The following DCC variants were observed in gnomAD, a reference collection of about 807,000 sequenced individuals.
DCC encodes the protein DCC netrin 1 receptor.
In DCC, 58 loss-of-function variants were observed where a neutral mutation model predicts 172.5. The ratio of observed to expected loss-of-function variants is 0.34; its 90% CI spans 0.27 to 0.42. DCC has a LOEUF of 0.42. Among genes scored for constraint, DCC ranks in the 10% least tolerant of loss-of-function variants. The probability of loss-of-function intolerance (pLI) is 1.00; values close to 1 mark genes in which losing one functional copy is unlikely to be tolerated. For synonymous variants in DCC, 709 were observed against 644.5 expected (o/e 1.10, Z -1.52); for missense variants, 1,740 against 1,791.0 (o/e 0.97, Z 0.51).
At chr18:52,870,082 T>A (rs1171960003) in intron 2 of DCC, among the ~76,000 whole-genome samples, 1 of 151,880 alleles carries the variant, frequency 6.6e-6, no homozygotes, top group Non-Finnish European at 1.5e-5. Context: ...CCTAGCCCCA[T>A]CACAGTAGCT....
chr18:53,022,897 T>G (rs2041901515), intron 5 of DCC, among the ~76,000 whole-genome samples: 1 of 152,114 alleles, frequency 6.6e-6, no homozygotes, highest in African/African-American at 2.4e-5. Context: ...ACATGAGAGC[T>G]CATCATTCAG....
At chr18:52,818,911 A>G (rs2038353510) in intron 2 of DCC, among the ~76,000 whole-genome samples, 1 of 152,230 alleles carries the variant, frequency 6.6e-6, no homozygotes, top group Admixed American at 6.5e-5. Context: ...TATCAATTAC[A>G]TCTAAGACTT....
intron 1 of DCC, among the ~76,000 whole-genome samples, chr18:52,607,596 C>T (rs2034161771): frequency 6.6e-6 from 1 of 152,098 alleles, no homozygotes; most frequent in South Asian, 2.1e-4. Context: ...GAGGAAGTTT[C>T]TCACATCTTC....
intron 1 of DCC, among the ~76,000 whole-genome samples, chr18:52,654,085 C>T (rs958458955): frequency 6.6e-6 from 1 of 152,188 alleles, no homozygotes; most frequent in African/African-American, 2.4e-5. Flanking sequence ...TATTTGGAAA[C>T]CTTAAAAGTA....
At chr18:52,536,373 C>T (rs764259455) in intron 1 of DCC, among the ~76,000 whole-genome samples, 11 of 152,228 alleles carry the variant, frequency 7.2e-5, no homozygotes, top group South Asian at 2.1e-4. Context: ...CTAAGTTAGG[C>T]ATTTTGCTCG....
chr18:53,453,484 A>G (rs1396409783), intron 23 of DCC, among the ~76,000 whole-genome samples: 1 of 151,716 alleles, frequency 6.6e-6, no homozygotes, highest in Non-Finnish European at 1.5e-5. Flanking sequence ...TTTTTGGGGG[A>G]CTTGAATTAC....
intron 1 of DCC, among the ~76,000 whole-genome samples, chr18:52,438,805 A>C (rs2144489972): frequency 6.6e-6 from 1 of 152,264 alleles, no homozygotes; most frequent in East Asian, 1.9e-4. Flanking sequence ...ATCTACCACT[A>C]AAATTCCTTG....
intron 1 of DCC, among the ~76,000 whole-genome samples, chr18:52,552,199 A>G (rs2032794624): frequency 6.6e-6 from 1 of 151,996 alleles, no homozygotes; most frequent in African/African-American, 2.4e-5. Flanking sequence ...AGGCAGGTAG[A>G]TTCTACTTTT....
At chr18:52,761,919 A>AAAG (rs2037167201) in intron 2 of DCC, among the ~76,000 whole-genome samples, 1 of 139,812 alleles carries the variant, frequency 7.2e-6, no homozygotes, top group Non-Finnish European at 1.6e-5. Context: ...AAAAAAAAAA[A>AAAG]AAAAAAGAAA....
chr18:53,175,914 C>T (rs2055085503), intron 8 of DCC, among the ~76,000 whole-genome samples: 1 of 152,188 alleles, frequency 6.6e-6, no homozygotes, highest in African/African-American at 2.4e-5. Flanking sequence ...ATCACACTAC[C>T]TGACTTCAAA....
At chr18:52,868,051 ATATGTGTGTGTGTG>A (rs1351302185) in intron 2 of DCC, among the ~76,000 whole-genome samples, 1 of 98,798 alleles carries the variant, frequency 1.0e-5, no homozygotes, top group African/African-American at 3.4e-5. Context: ...ATATATATAT[ATATGTGTGTGTGTG>A]TGTGTGTGTG....
chr18:53,403,752 C>A lies in DCC; in HGVS notation c.2935+859C>A, dbSNP rs1368424203. On this transcript the variant is annotated intron_variant, in intron 19 of 28. Coordinates refer to ENST00000442544, the MANE Select transcript of DCC (RefSeq NM_005215.4). ...GCTGGATAGCACTATTATAAATTAA[C>A]AAAGTAATTCAGCCGTCCCGTGATA... is the stretch of plus-strand genomic sequence containing the variant. Among the ~76,000 whole-genome samples the A allele has an allele frequency of 2.6e-5, 4 of 151,992 alleles. No homozygotes were observed. The East Asian group carries it at 7.7e-4, about 29-fold the overall frequency.
intron 2 of DCC, among the ~76,000 whole-genome samples, chr18:52,844,474 T>A (rs919619411): frequency 6.6e-6 from 1 of 152,218 alleles, no homozygotes; most frequent in South Asian, 2.1e-4. Flanking sequence ...CACATAGTAA[T>A]TGGCCTTGTA....
intron 2 of DCC, among the ~76,000 whole-genome samples, chr18:52,875,770 G>T (rs902181000): frequency 6.6e-6 from 1 of 152,164 alleles, no homozygotes; most frequent in African/African-American, 2.4e-5. Flanking sequence ...GCTAAACCTT[G>T]TCAGAGCTGA....
chr18:53,453,803 C>T (rs1394882698), intron 23 of DCC, among the ~76,000 whole-genome samples: 3 of 151,892 alleles, frequency 2.0e-5, no homozygotes, highest in African/African-American at 2.4e-5. Context: ...GGGCTAAATG[C>T]TTTCTATCAT....
intron 16 of DCC, among the ~76,000 whole-genome samples, chr18:53,390,466 T>C (rs1258356506): frequency 6.6e-6 from 1 of 152,170 alleles, no homozygotes. Context: ...ATAAACCCTG[T>C]ATTATGCTGC....
chr18:52,893,891 G>A (rs2039689289), intron 2 of DCC, among the ~76,000 whole-genome samples: 1 of 139,536 alleles, frequency 7.2e-6, no homozygotes, highest in Admixed American at 7.1e-5. Flanking sequence ...AAACACACAA[G>A]GCTTATAATA....
chr18:53,460,274 GTTTTT>G (rs766940670), intron 24 of DCC, among the ~76,000 whole-genome samples: 1 of 81,088 alleles, frequency 1.2e-5, no homozygotes, highest in East Asian at 4.2e-4. Flanking sequence ...AGGAGCTCCT[GTTTTT>G]TTTTTTTTTT....
At chr18:53,065,845 T>G (rs1266085499) in intron 6 of DCC, among the ~76,000 whole-genome samples, 1 of 152,186 alleles carries the variant, frequency 6.6e-6, no homozygotes, top group Non-Finnish European at 1.5e-5. Context: ...AACTGATGCC[T>G]GTGAATTCAG....
Sources: gnomAD v4.1 joint callset for allele counts (sites outside exome capture counted in the v4.1 genomes callset) on GRCh38, gnomAD v4.1.1 for gene constraint, MANE v1.5 for transcripts, NCBI Gene and HGNC (gene_info 2026-07-23, HGNC 2026-07-21) for gene names.